Variants in RBFOX1 observed in about 807,000 individuals in gnomAD.
RBFOX1 encodes RNA binding protein fox-1 homolog 1.
In RBFOX1, 8 loss-of-function variants were observed where a neutral mutation model predicts 57.7. The observed-to-expected ratio is 0.14, with a 90% CI of 0.08 to 0.25. The LOEUF (loss-of-function observed/expected upper bound fraction) is 0.25. Ranked by LOEUF, RBFOX1 falls within the 10% of genes least tolerant of loss-of-function variation. RBFOX1 has a pLI of 1.00. For missense variants in RBFOX1, 611 were observed against 548.5 expected, an observed-to-expected ratio of 1.11 and a Z score of -1.14; for synonymous variants, 326 against 222.4, an observed-to-expected ratio of 1.47 and a Z score of -4.15.
intron 2 of RBFOX1, among the ~76,000 whole-genome samples, chr16:5,592,640 A>T (rs551803686): frequency 6.6e-6 from 1 of 152,062 alleles, no homozygotes; most frequent in African/African-American, 2.4e-5. Context: ...ATAAAAATCT[A>T]TTTTATTATG....
intron 5 of RBFOX1, among the ~76,000 whole-genome samples, chr16:7,573,919 T>C (rs1246414242): frequency 2.0e-5 from 3 of 152,148 alleles, no homozygotes; most frequent in East Asian, 3.9e-4. Context: ...CTTTAGGAAC[T>C]ATAACTATGA....
intron 4 of RBFOX1, among the ~76,000 whole-genome samples, chr16:7,337,440 C>T (rs557048046): frequency 1.3e-5 from 2 of 152,248 alleles, no homozygotes; most frequent in South Asian, 4.1e-4. Context: ...TGGGTGAATT[C>T]ATGGAGTTGG....
At chr16:5,769,789 C>T (rs751976736) in intron 3 of RBFOX1, among the ~76,000 whole-genome samples, 3 of 152,142 alleles carry the variant, frequency 2.0e-5, no homozygotes, top group Non-Finnish European at 2.9e-5. Flanking sequence ...GGAATCAAAC[C>T]TGTCAATACC....
intron 2 of RBFOX1, among the ~76,000 whole-genome samples, chr16:6,329,854 C>T (rs2082797237): frequency 6.6e-6 from 1 of 152,182 alleles, no homozygotes; most frequent in South Asian, 2.1e-4. Flanking sequence ...AGGAGAATCA[C>T]TTGAACCCAG....
chr16:6,715,525 C>G (rs1255069935), intron 3 of RBFOX1, among the ~76,000 whole-genome samples: 1 of 152,192 alleles, frequency 6.6e-6, no homozygotes, highest in African/African-American at 2.4e-5. Context: ...AATTTATTCT[C>G]TAACGGAACT....
chr16:7,029,059 T>TATATATATACAC (rs1555788022), intron 3 of RBFOX1, among the ~76,000 whole-genome samples: 1 of 30,222 alleles, frequency 3.3e-5, no homozygotes, highest in East Asian at 1.4e-3. Context: ...TATATATATA[T>TATATATATACAC]ATATATATAT....
chr16:6,275,293 A>G (rs1310649678), intron 1 of RBFOX1, among the ~76,000 whole-genome samples: 1 of 144,626 alleles, frequency 6.9e-6, no homozygotes, highest in Non-Finnish European at 1.5e-5. Context: ...CCTGGGCGAC[A>G]GAGTGAGACT....
intron 1 of RBFOX1, among the ~76,000 whole-genome samples, chr16:6,033,126 A>G (rs967446816): frequency 6.6e-6 from 1 of 152,174 alleles, no homozygotes; most frequent in African/African-American, 2.4e-5. Context: ...TTGCGTGCTA[A>G]TAGTTAGTTC....
chr16:5,400,372 C>T (rs918004977), intron 1 of RBFOX1, among the ~76,000 whole-genome samples: 13 of 151,692 alleles, frequency 8.6e-5, no homozygotes, highest in South Asian at 2.1e-4. Context: ...GGGTTACAGG[C>T]GTGAGCCACC....
chr16:5,870,085 C>T (rs1428943382), intron 4 of RBFOX1, among the ~76,000 whole-genome samples: 1 of 150,732 alleles, frequency 6.6e-6, no homozygotes, highest in Admixed American at 6.6e-5. Context: ...AATGTACCCT[C>T]CATGATTTCA....
intron 4 of RBFOX1, among the ~76,000 whole-genome samples, chr16:7,443,477 G>T (rs115025768): frequency 6.8e-6 from 1 of 148,002 alleles, no homozygotes; most frequent in Admixed American, 6.9e-5. Flanking sequence ...TTTCAGTTCA[G>T]CGTTTGACTG....
At chr16:5,984,968 ATATATATATT>A (rs1311285233) in intron 4 of RBFOX1, among the ~76,000 whole-genome samples, 55 of 55,728 alleles carry the variant, frequency 9.9e-4, no homozygotes, top group East Asian at 4.0e-3. Flanking sequence ...ATATATATAT[ATATATATATT>A]TTTTTTTTTT....
chr16:6,874,242 G>A (rs1328220891), intron 3 of RBFOX1, among the ~76,000 whole-genome samples: 1 of 152,126 alleles, frequency 6.6e-6, no homozygotes, highest in East Asian at 1.9e-4. Context: ...AGGCAAAGTG[G>A]TTCACACTTG....
intron 1 of RBFOX1, among the ~76,000 whole-genome samples, chr16:6,271,269 C>A (rs1158836338): frequency 6.6e-6 from 1 of 152,036 alleles, no homozygotes; most frequent in Non-Finnish European, 1.5e-5. Context: ...ACTAAAAATA[C>A]AAAAATTAGC....
At chr16:6,095,829 C>T (rs2096239241) in intron 1 of RBFOX1, among the ~76,000 whole-genome samples, 2 of 152,300 alleles carry the variant, frequency 1.3e-5, no homozygotes, top group South Asian at 4.1e-4. Flanking sequence ...CTGGTTTTCA[C>T]TGTGACAAAT....
intron 15 of RBFOX1, 78 bp from the exon 16 acceptor site, chr16:7,710,545 C>A (rs984167356): frequency 5.0e-6 from 8 of 1,584,870 alleles, no homozygotes; most frequent in Non-Finnish European, 6.8e-6. Context: ...GTCTATTTTT[C>A]ACATTAGTCT....
chr16:7,643,744 A>C (rs559175935), intron 11 of RBFOX1, among the ~76,000 whole-genome samples: 1 of 152,232 alleles, frequency 6.6e-6, no homozygotes, highest in East Asian at 1.9e-4. Context: ...AACTCTTACC[A>C]GGAACATAAA....
intron 4 of RBFOX1, among the ~76,000 whole-genome samples, chr16:7,163,678 A>G (rs183546675): frequency 7.2e-5 from 11 of 151,940 alleles, no homozygotes; most frequent in Admixed American, 5.9e-4. Flanking sequence ...TAATTTTTTT[A>G]GACAGTCTTG....
At chr16:7,186,858 T>G (rs1478013652) in intron 4 of RBFOX1, among the ~76,000 whole-genome samples, 2 of 151,374 alleles carry the variant, frequency 1.3e-5, no homozygotes, top group Non-Finnish European at 2.9e-5. Flanking sequence ...TGACTTATTT[T>G]TAAAATATAG....
Sources: gnomAD v4.1 joint callset for allele counts (sites outside exome capture counted in the v4.1 genomes callset) on GRCh38, gnomAD v4.1.1 for gene constraint, MANE v1.5 for transcripts, NCBI Gene and HGNC (gene_info 2026-07-23, HGNC 2026-07-21) for gene names.